Variants in WARS2 observed in about 807,000 individuals in gnomAD.
WARS2 encodes tryptophanyl tRNA synthetase 2, mitochondrial, also known as tryptophan--tRNA ligase, mitochondrial.
WARS2 carries 28 observed loss-of-function variants against 36.5 expected under a neutral mutation model. That is an observed-to-expected ratio of 0.77 (90% CI 0.57 to 1.05). The LOEUF is 1.05. Among genes scored for constraint, WARS2 ranks in the 50% least tolerant of loss-of-function variants. The probability of loss-of-function intolerance (pLI) is 0.00; values close to 1 mark genes in which losing one functional copy is unlikely to be tolerated. For synonymous variants in WARS2, 174 were observed against 178.4 expected, an observed-to-expected ratio of 0.98 and a Z score of 0.20; for missense variants, 435 against 456.8, an observed-to-expected ratio of 0.95 and a Z score of 0.44.
chr1:119,072,634 T>C (rs1020597146), intron 2 of WARS2, among the ~76,000 whole-genome samples: 3 of 152,126 alleles, frequency 2.0e-5, no homozygotes, highest in African/African-American at 7.2e-5. Context: ...AAATGTAATA[T>C]GTGAACCTTG....
At position 119,076,445 on chromosome 1, in the gene WARS2, G is replaced by A. The variant is rs776400244; in HGVS notation, c.253C>T (p.Pro85Ser). The part of the protein sequence containing the change: ...DLHSITVPQD[P>S]AVLRQSILDM... The stretch of plus-strand genomic sequence containing the variant: ...AGGATGCTCTGCCGAAGGACAGCTG[G>A]GTCTTGGGGGACAGTAATGGAGTGG... The change falls in exon 2 of 6, where the codon CCA becomes TCA. Residue 85 changes from proline to serine, a missense_variant. Physicochemically the swap from Pro to Ser is moderately conservative, Grantham distance 74. Coordinates refer to ENST00000235521, the MANE Select transcript of WARS2 (RefSeq NM_015836.4). 5.8e-5 allele frequency: 94 copies of A among 1,614,030 alleles called. No homozygotes were observed. In the Middle Eastern group the frequency reaches 8.2e-4, roughly 14 times the overall value.
chr1:119,075,682 G>C (rs1651674104), intron 2 of WARS2, among the ~76,000 whole-genome samples: 1 of 152,170 alleles, frequency 6.6e-6, no homozygotes, highest in Non-Finnish European at 1.5e-5. Flanking sequence ...GATCTAGTTA[G>C]AATTTTCATC....
At chr1:119,064,599 C>G (rs1447762714) in intron 2 of WARS2, 2 of 152,184 alleles carry the variant, frequency 1.3e-5, no homozygotes, top group African/African-American at 2.4e-5. Flanking sequence ...GGGGGCCGGT[C>G]TTTCCCATGC....
At chr1:119,113,240 C>T (rs1459408733) in intron 1 of WARS2, among the ~76,000 whole-genome samples, 1 of 152,184 alleles carries the variant, frequency 6.6e-6, no homozygotes, top group African/African-American at 2.4e-5. Context: ...AGTCAGGATG[C>T]TGACACTGCC....
At chr1:119,121,898 T>C (rs944785862) in intron 1 of WARS2, among the ~76,000 whole-genome samples, 1 of 152,130 alleles carries the variant, frequency 6.6e-6, no homozygotes, top group Non-Finnish European at 1.5e-5. Context: ...CAACTCAAGA[T>C]TGATCAAAGA....
chr1:119,084,179 T>TA (rs1652438746), intron 1 of WARS2, among the ~76,000 whole-genome samples: 1 of 4,768 alleles, frequency 2.1e-4, no homozygotes, highest in African/African-American at 1.5e-3. Context: ...CTACGTCGGC[T>TA]AATTTTTTTT....
chr1:119,136,259 G>C (rs1656502415), intron 1 of WARS2, among the ~76,000 whole-genome samples: 1 of 152,002 alleles, frequency 6.6e-6, no homozygotes, highest in Non-Finnish European at 1.5e-5. Flanking sequence ...AGCATTTCCA[G>C]GCCATGGCTG....
rs181392241 is a variant in WARS2, at chr1:119,078,213, A to G, written c.91-1606T>C. Among the ~76,000 whole-genome samples, 185 of 152,264 alleles carry G rather than the reference A, an allele frequency of 1.2e-3. 1 individual carries two copies. The highest frequency in any genetic ancestry group is 4.4e-3 in the African/African-American group (183 of 41,544). On this transcript the variant is annotated intron_variant, in intron 1 of 5. Coordinates refer to ENST00000235521, the MANE Select transcript of WARS2 (RefSeq NM_015836.4). ...CTTTGCTTAGCTACCATCTATTAAG[A>G]CTTTATTATATTCATTGTATTAATT...
At chr1:119,056,104 G>A (rs1649775637) in intron 2 of WARS2, among the ~76,000 whole-genome samples, 1 of 147,794 alleles carries the variant, frequency 6.8e-6, no homozygotes, top group Admixed American at 6.9e-5. Context: ...CTGCAGCCTC[G>A]ACCTCCCAGG....
chr1:119,117,436 T>C (rs941773248), intron 1 of WARS2, among the ~76,000 whole-genome samples: 6 of 152,206 alleles, frequency 3.9e-5, no homozygotes, highest in Non-Finnish European at 7.3e-5. Flanking sequence ...CTGGCCAATG[T>C]AGGGCAAGAC....
At chr1:119,107,481 G>A (rs1654320924) in intron 1 of WARS2, among the ~76,000 whole-genome samples, 1 of 152,020 alleles carries the variant, frequency 6.6e-6, no homozygotes, top group Admixed American at 6.6e-5. Context: ...CTAGATTCGT[G>A]TCTTTCAAGC....
In WARS2 at chr1:119,131,439, G is replaced by A. The variant is rs180982558; in HGVS notation, c.90+9116C>T. On this transcript the variant is annotated intron_variant, in intron 1 of 5. Transcript: ENST00000235521. ...TGGTCTAGAGAGGTATTTTGGATCC[G>A]GACTGTGCAAAGTTTTTTGTTTTTT... Among the ~76,000 whole-genome samples, 623 of 151,526 alleles carry A rather than the reference G, an allele frequency of 4.1e-3. 5 individuals are homozygous for A. Among genetic ancestry groups the A allele is most frequent in the African/African-American group, 0.013 (540 of 41,256 alleles).
intron 1 of WARS2, among the ~76,000 whole-genome samples, chr1:119,124,797 T>A (rs1329460994): frequency 6.6e-6 from 1 of 152,112 alleles, no homozygotes; most frequent in Non-Finnish European, 1.5e-5. Flanking sequence ...AAAGCCAAAG[T>A]CTTTACAATT....
chr1:119,113,510 CAG>C (rs1213779885), intron 1 of WARS2, among the ~76,000 whole-genome samples: 1 of 152,036 alleles, frequency 6.6e-6, no homozygotes, highest in Non-Finnish European at 1.5e-5. Context: ...GGGGTCTAGA[CAG>C]ATATTGGCAG....
At chr1:119,123,531 T>A (rs1655461697) in intron 1 of WARS2, among the ~76,000 whole-genome samples, 1 of 152,138 alleles carries the variant, frequency 6.6e-6, no homozygotes, top group South Asian at 2.1e-4. Flanking sequence ...CATGTACATA[T>A]AAGATATGTG....
At chr1:119,135,677 G>A (rs587736274) in intron 1 of WARS2, among the ~76,000 whole-genome samples, 1 of 152,170 alleles carries the variant, frequency 6.6e-6, no homozygotes, top group Non-Finnish European at 1.5e-5. Context: ...TTCCTTTTCT[G>A]AAAGACATGG....
Position 119,102,376 on chromosome 1 carries a change from AC to A in WARS2, c.91-25770del, listed in dbSNP as rs587664168. On this transcript the variant is annotated intron_variant, in intron 1 of 5. Transcript: ENST00000235521. ...CAGTTCTTACTTTACTGAATTCAGT[AC>A]ATTGTACCAACTTTTCTACTTCGTA... 1.6e-4 allele frequency among the ~76,000 whole-genome samples: 25 copies of A among 152,368 alleles called. No individual in the cohort carries two copies. In the East Asian group the frequency reaches 3.7e-3, roughly 22 times the overall value.
intron 1 of WARS2, among the ~76,000 whole-genome samples, chr1:119,094,958 T>A (rs990212754): frequency 1.3e-5 from 2 of 152,178 alleles, no homozygotes. Flanking sequence ...CCTCTTTATG[T>A]TTAAAAGATT....
intron 1 of WARS2, chr1:119,085,768 C>T: frequency 1.3e-6 from 2 of 1,594,016 alleles, no homozygotes; most frequent in East Asian, 2.2e-5. Context: ...TTAATGTTAA[C>T]AATCTCCCCA....
Sources: gnomAD v4.1 joint callset for allele counts (sites outside exome capture counted in the v4.1 genomes callset) on GRCh38, gnomAD v4.1.1 for gene constraint, MANE v1.5 for transcripts, NCBI Gene and HGNC (gene_info 2026-07-23, HGNC 2026-07-21) for gene names.